The following PIP5KL1 variants were observed in gnomAD, a reference collection of about 807,000 sequenced individuals.
PIP5KL1 encodes phosphatidylinositol-4-phosphate 5-kinase like 1.
PIP5KL1 carries 45 observed loss-of-function variants against 47.6 expected under a neutral mutation model. The ratio of observed to expected loss-of-function variants is 0.94; its 90% CI spans 0.74 to 1.21. The LOEUF is 1.21. Ranked by LOEUF, PIP5KL1 falls within the 50% of genes most tolerant of loss-of-function variation. The pLI, the probability that PIP5KL1 is intolerant of heterozygous loss-of-function variation, is 0.00. For synonymous variants in PIP5KL1, 256 were observed against 234.6 expected (o/e 1.09, Z -0.84); for missense variants, 577 against 547.6 (o/e 1.05, Z -0.54).
In PIP5KL1 at chr9:127,927,857, A is replaced by T; in HGVS notation, c.435-85T>A. On this transcript the variant is annotated intron_variant, in intron 4 of 9. Coordinates refer to ENST00000388747, the MANE Select transcript of PIP5KL1 (RefSeq NM_001135219.2). This position sits in a 1 kb window ranked among gnomAD's most constrained non-coding sequence, Gnocchi z 5.5. ...CCCCTTCCCCGACCTGTGCACGTGGATCTCGCTCCCAGGTCTCGGCACCGC... is the reference window on the plus strand; with the variant it reads ...CCCCTTCCCCGACCTGTGCACGTGGTTCTCGCTCCCAGGTCTCGGCACCGC... The T allele has an allele frequency of 6.6e-7, 1 of 1,504,322 alleles. No homozygotes were observed. Among genetic ancestry groups the T allele is most frequent in the Non-Finnish European group, 8.8e-7 (1 of 1,133,266 alleles). The allele number at this position is 1,504,322 out of a possible 1,614,324, so 93.2% of individuals were successfully genotyped here.
Position 127,929,723 on chromosome 9 carries a change from C to T in PIP5KL1, c.193G>A (p.Ala65Thr). The change falls in exon 2 of 10, where the codon GCT (alanine) becomes ACT (threonine). Residue 65 changes from alanine (A) to threonine (T), a missense_variant. Coordinates refer to ENST00000388747, the MANE Select transcript of PIP5KL1 (RefSeq NM_001135219.2). This position sits in a 1 kb window ranked among gnomAD's most constrained non-coding sequence, Gnocchi z 4.0. The part of the protein sequence containing the change: ...MTCMMQAGLW[A>T]ATQVSMDHPP... Reference sequence around the variant, plus strand: ...TGGTCCATGGAGACCTGGGTGGCAGCCCACAGCCCTGCCTGCATCATGCAC... The same window carrying T: ...TGGTCCATGGAGACCTGGGTGGCAGTCCACAGCCCTGCCTGCATCATGCAC... The T allele has an allele frequency of 6.3e-7, 1 of 1,584,926 alleles. No individual in the cohort carries two copies. The highest frequency in any genetic ancestry group is 8.6e-7 in the Non-Finnish European group (1 of 1,164,310).
intron 8 of PIP5KL1, 193 bp from the exon 9 acceptor site, chr9:127,925,453 CA>C (rs1831348575): frequency 3.3e-6 from 2 of 608,168 alleles, no homozygotes; most frequent in African/African-American, 3.7e-5. Flanking sequence ...TGCCTGATTC[CA>C]GAATCTCTTT....
rs765620109 is a variant in PIP5KL1, at chr9:127,930,738, GC to G, written c.14del (p.Ser5ThrfsTer51). 1 of 1,563,200 alleles carries G rather than the reference GC, an allele frequency of 6.4e-7. No individual in the cohort carries two copies. The highest frequency in any genetic ancestry group is 8.6e-7 in the Non-Finnish European group (1 of 1,158,792). On this transcript the variant is annotated frameshift_variant, in exon 1 of 10. Transcript: ENST00000388747. LOFTEE classifies it high-confidence loss of function. ...CCGCACCTACCTCGCGGGGCCCCGGGCTCGGCGCAGCCATCGCCCCCGCAGC... is the reference window on the plus strand; with the variant it reads ...CCGCACCTACCTCGCGGGGCCCCGGGTCGGCGCAGCCATCGCCCCCGCAGC... The part of the protein sequence containing the change: MAAP[S>X]PGPREVLAPS...
At chr9:127,928,968 C>A (rs1278015643) in intron 2 of PIP5KL1, among the ~76,000 whole-genome samples, 1 of 152,166 alleles carries the variant, frequency 6.6e-6, no homozygotes, top group African/African-American at 2.4e-5. Flanking sequence ...CTGGTGGCTG[C>A]CGGCAAGGGA....
chr9:127,927,369 C>G lies in PIP5KL1; in HGVS notation c.560-38G>C. 2 of 1,585,748 alleles carry G rather than the reference C, an allele frequency of 1.3e-6. No individual in the cohort carries two copies. Among genetic ancestry groups the G allele is most frequent in the Non-Finnish European group, 1.7e-6 (2 of 1,170,310 alleles). On this transcript the variant is annotated intron_variant, in intron 5 of 9. Transcript: ENST00000388747. This position sits in a 1 kb window ranked among gnomAD's most constrained non-coding sequence, Gnocchi z 5.5. ...AGGGCGCCGGATGAGGATCCCCAAACTCCACAACCCGGGGTGCATCCGGCG... is the reference window on the plus strand; with the variant it reads ...AGGGCGCCGGATGAGGATCCCCAAAGTCCACAACCCGGGGTGCATCCGGCG...
intron 9 of PIP5KL1, among the ~76,000 whole-genome samples, chr9:127,922,694 C>CAAAAAAAAAAAAAAAAA (rs386416269): frequency 8.9e-5 from 8 of 89,406 alleles, no homozygotes; most frequent in Non-Finnish European, 1.7e-4. Context: ...GACTCTGTCT[C>CAAAAAAAAAAAAAAAAA]AAAAAAAAAA....
Position 127,925,266 on chromosome 9 carries a change from G to C in PIP5KL1, c.764-6C>G. The stretch of plus-strand genomic sequence containing the variant: ...GAACCAGCTCCGCTGGGGCCCTGCC[G>C]GAGCATCAGTGCCCCCACCTGAGCG... On this transcript the variant is annotated splice_region_variant and splice_polypyrimidine_tract_variant and intron_variant, in intron 8 of 9. Coordinates refer to ENST00000388747, the MANE Select transcript of PIP5KL1 (RefSeq NM_001135219.2). 6.2e-6 allele frequency: 10 copies of C among 1,610,964 alleles called. No individual in the cohort carries two copies. The highest frequency in any genetic ancestry group is 8.5e-6 in the Non-Finnish European group (10 of 1,179,876).
intron 3 of PIP5KL1, 107 bp from the exon 4 acceptor site, chr9:127,928,326 C>T (rs987379949): frequency 1.3e-6 from 2 of 1,539,586 alleles, no homozygotes; most frequent in Non-Finnish European, 1.8e-6. Context: ...CTGCAAGGCT[C>T]AAGTCTCAGG....
rs1046420257 is a variant in PIP5KL1, at chr9:127,928,202, C to T, written c.297G>A (p.Thr99=). The part of the protein sequence containing the change: ...TQVHEGFELG[T]LAGPAFAWLR... ...GCCAGGCAAAGGCGGGGCCGGCCAG[C>T]GTGCCCAGCTCGAAGCCCTGCAGGG... is the stretch of plus-strand genomic sequence containing the variant. Residue 99 remains threonine, a synonymous_variant, in exon 4 of 10, where the codon ACG becomes ACA. Transcript: ENST00000388747. The T allele has an allele frequency of 1.3e-6, 2 of 1,537,348 alleles. No homozygotes were observed. The highest frequency in any genetic ancestry group is 1.4e-5 in the African/African-American group (1 of 72,396).
At position 127,921,666 on chromosome 9, in the gene PIP5KL1, G is replaced by T; in HGVS notation, c.*181C>A. 2 of 824,294 alleles carry T rather than the reference G, an allele frequency of 2.4e-6. No individual in the cohort carries two copies. The highest frequency in any genetic ancestry group is 3.8e-4 in the Middle Eastern group (1 of 2,664). The allele number at this position is 824,294 out of a possible 1,614,324, so 51.1% of individuals were successfully genotyped here. On this transcript the variant is annotated 3_prime_UTR_variant, in exon 10 of 10. Transcript: ENST00000388747. ...AATGAGCTAAAGTAGGGGAGTCCTT[G>T]GCACGATGCTGGGCACGGCACCACC...
intron 9 of PIP5KL1, among the ~76,000 whole-genome samples, chr9:127,923,997 G>T (rs1457016674): frequency 8.5e-6 from 1 of 118,198 alleles, no homozygotes; most frequent in Non-Finnish European, 1.8e-5. Flanking sequence ...GATGAAGACA[G>T]GAAGACGGTG....
rs1831386441 is a variant in PIP5KL1 at position 127,927,852 on chromosome 9, C to G, written c.435-80G>C. On this transcript the variant is annotated intron_variant, in intron 4 of 9. Coordinates refer to ENST00000388747, the MANE Select transcript of PIP5KL1 (RefSeq NM_001135219.2). The surrounding 1 kb of genome is among the most constrained non-coding windows in gnomAD (Gnocchi z 5.5). ...CCGGCCCCCTTCCCCGACCTGTGCA[C>G]GTGGATCTCGCTCCCAGGTCTCGGC... 8.0e-6 allele frequency: 12 copies of G among 1,508,660 alleles called. No individual in the cohort carries two copies. Among genetic ancestry groups the G allele is most frequent in the Admixed American group, 2.5e-5 (1 of 39,800 alleles). The allele number at this position is 1,508,660 out of a possible 1,614,324, so 93.5% of individuals were successfully genotyped here.
chr9:127,921,156 G>A lies in PIP5KL1; in HGVS notation c.*691C>T, dbSNP rs1387376220. ...GTCTGTGAAGCCAAGACCTTGGTCG[G>A]ACCACGGACCCTTGCCCCCATTTAA... is the stretch of plus-strand genomic sequence containing the variant. On this transcript the variant is annotated 3_prime_UTR_variant, in exon 10 of 10. Transcript: ENST00000388747. 6.6e-6 allele frequency: 1 copy of A among 152,304 alleles called. No homozygotes were observed. Among genetic ancestry groups the A allele is most frequent in the African/African-American group, 2.4e-5 (1 of 41,452 alleles). 9.4% of individuals were successfully genotyped at this position (152,304 alleles called of 1,614,324 possible).
chr9:127,927,742 C>G lies in PIP5KL1; in HGVS notation c.465G>C (p.Gln155His). The G allele has an allele frequency of 1.9e-6, 3 of 1,558,900 alleles. No individual in the cohort carries two copies. Among genetic ancestry groups the G allele is most frequent in the Non-Finnish European group, 2.6e-6 (3 of 1,152,554 alleles). ...SHDQRFFLKT[Q>H]GRREVQALLA... ...GCAGAGCCTGCACCTCTCGGCGCCC[C>G]TGGGTCTTCAGGAAGAAGCGCTGGT... The change falls in exon 5 of 10, where the codon CAG becomes CAC. Residue 155 changes from glutamine (Q) to histidine (H), a missense_variant. By Grantham distance (24) the Gln-to-His change is conservative. Transcript: ENST00000388747. This position sits in a 1 kb window ranked among gnomAD's most constrained non-coding sequence, Gnocchi z 5.5.
chr9:127,922,145 G>T, intron 9 of PIP5KL1, 31 bp from the exon 10 acceptor site: 6 of 1,457,482 alleles, frequency 4.1e-6, no homozygotes, highest in Non-Finnish European at 4.5e-6. Flanking sequence ...GAAGCTGCCA[G>T]CTCCTCCAGG....
At chr9:127,928,376 AGAG>A (rs1831394055) in intron 3 of PIP5KL1, 54 bp downstream of exon 3, 2 of 1,558,070 alleles carry the variant, frequency 1.3e-6, no homozygotes, top group Non-Finnish European at 1.7e-6. Flanking sequence ...GGAAAACTGC[AGAG>A]GAGAGAGCAA....
chr9:127,927,441 C>A lies in PIP5KL1; in HGVS notation c.560-110G>T. The A allele has an allele frequency of 6.7e-7, 1 of 1,502,486 alleles. No individual in the cohort carries two copies. Among genetic ancestry groups the A allele is most frequent in the Non-Finnish European group, 8.9e-7 (1 of 1,127,482 alleles). 93.1% of individuals were successfully genotyped at this position (1,502,486 alleles called of 1,614,324 possible). A position where few individuals can be genotyped will look rare whatever the true frequency, so the allele number is the denominator to read the frequency against. ...GCCTCCTTCTCAAGATCCGCGGCACCTGGACCCTTCCTTGGCTGGTCCGGA... is the reference window on the plus strand; with the variant it reads ...GCCTCCTTCTCAAGATCCGCGGCACATGGACCCTTCCTTGGCTGGTCCGGA... On this transcript the variant is annotated intron_variant, in intron 5 of 9. Transcript: ENST00000388747. This position sits in a 1 kb window ranked among gnomAD's most constrained non-coding sequence, Gnocchi z 5.5.
chr9:127,921,786 G>T lies in PIP5KL1; in HGVS notation c.*61C>A. On this transcript the variant is annotated 3_prime_UTR_variant, in exon 10 of 10. Transcript: ENST00000388747. Reference sequence around the variant, plus strand: ...CGCAGGCGAGATGCCCGGGCCCGGGGGAACCGGCGTTCCTGGCGTGAGCCC... The same window carrying T: ...CGCAGGCGAGATGCCCGGGCCCGGGTGAACCGGCGTTCCTGGCGTGAGCCC... The T allele has an allele frequency of 1.3e-6, 2 of 1,501,296 alleles. No homozygotes were observed. The highest frequency in any genetic ancestry group is 1.8e-6 in the Non-Finnish European group (2 of 1,126,000). 93.0% of individuals were successfully genotyped at this position (1,501,296 alleles called of 1,614,324 possible).
chr9:127,928,367 GA>G, intron 3 of PIP5KL1, 65 bp downstream of exon 3: 1 of 1,550,840 alleles, frequency 6.4e-7, no homozygotes. Context: ...GCACAGATGG[GA>G]AAACTGCAGA....
Sources: allele counts gnomAD v4.1 joint callset (sites outside exome capture counted in the v4.1 genomes callset), GRCh38; gene constraint gnomAD v4.1.1; non-coding constraint Gnocchi (gnomAD v3.1); transcripts MANE v1.5; gene names NCBI Gene and HGNC (gene_info 2026-07-23, HGNC 2026-07-21).